The following MNDA variants were observed in gnomAD, a reference collection of about 807,000 sequenced individuals.
The protein encoded by MNDA is epididymis secretory sperm binding protein.
A neutral mutation model predicts 37.8 loss-of-function variants in MNDA; 43 were observed. The ratio of observed to expected loss-of-function variants is 1.14; its 90% CI spans 0.89 to 1.47. MNDA has a LOEUF of 1.47. MNDA is among the 40% of genes most tolerant of loss of function. MNDA has a pLI of 0.00. For synonymous variants in MNDA, 181 were observed against 169.0 expected (o/e 1.07, Z -0.55); for missense variants, 536 against 476.0 (o/e 1.13, Z -1.17).
intron 3 of MNDA, 116 bp from the exon 4 acceptor site, chr1:158,843,839 C>A: frequency 1.1e-6 from 1 of 903,138 alleles, no homozygotes; most frequent in Non-Finnish European, 1.6e-6. Flanking sequence ...CTGGGGTTTC[C>A]AAGGACATCC....
intron 1 of MNDA, among the ~76,000 whole-genome samples, chr1:158,836,227 T>A (rs1658913524): frequency 6.6e-6 from 1 of 152,116 alleles, no homozygotes; most frequent in Non-Finnish European, 1.5e-5. Context: ...TGCATTGGAG[T>A]AATGCTGAGT....
chr1:158,836,495 A>G (rs943032633), intron 1 of MNDA, among the ~76,000 whole-genome samples: 9 of 151,862 alleles, frequency 5.9e-5, no homozygotes, highest in Admixed American at 5.2e-4. Flanking sequence ...TATCCATTTC[A>G]TTTAGGTTAT....
intron 1 of MNDA, among the ~76,000 whole-genome samples, chr1:158,836,054 A>G (rs1039733468): frequency 6.6e-6 from 1 of 152,024 alleles, no homozygotes; most frequent in Admixed American, 6.5e-5. Context: ...ATGGTGAGCC[A>G]TCATTGCATT....
At chr1:158,847,602 C>A in intron 5 of MNDA, 126 bp from the exon 6 acceptor site, 2 of 774,090 alleles carry the variant, frequency 2.6e-6, no homozygotes, top group Middle Eastern at 4.0e-4. Context: ...GCAGGCCAAG[C>A]CACATGTATG....
chr1:158,843,691 G>A (rs955119612), intron 3 of MNDA, among the ~76,000 whole-genome samples: 1 of 152,066 alleles, frequency 6.6e-6, no homozygotes, highest in Non-Finnish European at 1.5e-5. Context: ...CTCATTCCAA[G>A]TCCAGTGCTC....
intron 5 of MNDA, among the ~76,000 whole-genome samples, chr1:158,846,520 CTTAT>C (rs1247837917): frequency 1.3e-5 from 2 of 152,040 alleles, no homozygotes; most frequent in Admixed American, 6.6e-5. Flanking sequence ...GCCCTTCTAT[CTTAT>C]TTATTTATTC....
rs1263592493 is a variant in MNDA, at chr1:158,841,015, C to T, written c.-20-1119C>T. Among the ~76,000 whole-genome samples the T allele has an allele frequency of 2.6e-5, 4 of 152,042 alleles. No homozygotes were observed. The East Asian group carries it at 5.8e-4, about 22-fold the overall frequency. On this transcript the variant is annotated intron_variant, in intron 1 of 6. Coordinates refer to ENST00000368141, the MANE Select transcript of MNDA (RefSeq NM_002432.3). ...GAATATACGTTAGGAACTGAATGCC[C>T]TTAGGTAGTACACAAGGGGTTAAAG...
intron 6 of MNDA, among the ~76,000 whole-genome samples, chr1:158,848,739 A>AT (rs998836997): frequency 6.6e-6 from 1 of 152,144 alleles, no homozygotes; most frequent in African/African-American, 2.4e-5. Flanking sequence ...TGGGGCAGAG[A>AT]TATCTATTAG....
At position 158,847,728 on chromosome 1, in the gene MNDA, A is replaced by T. The variant is rs766478272; in HGVS notation, c.988A>T (p.Lys330Ter). 3.1e-6 allele frequency: 5 copies of T among 1,609,104 alleles called. No homozygotes were observed. The Admixed American group carries it at 8.4e-5, about 27-fold the overall frequency. ...ACAGGATGTTAATCTTCTTTTGCAG[A>T]AAAGCGTACACAAGAAGAACACAAT... ...MVYGLFMLQKKSVHKKNTIYE... is the reference protein window; with the variant it reads ...MVYGLFMLQK The change falls in exon 6 of 7, where the codon AAA becomes TAA. Residue 330 changes from lysine to a stop codon, truncating the protein, a stop_gained and splice_region_variant. Transcript: ENST00000368141. LOFTEE classifies it high-confidence loss of function.
Position 158,843,407 on chromosome 1 carries a change from G to A in MNDA, c.394G>A (p.Val132Ile). ...ATCGGAAGCAAGAGGGAGGATTCCT[G>A]TAGCTCAGGTAAGCTTGAGAAAGAG... Reference protein sequence around the residue: ...LTSEARGRIPVAQKRKTPNKE... With the variant: ...LTSEARGRIPIAQKRKTPNKE... The change falls in exon 3 of 7, where the codon GTA (valine) becomes ATA (isoleucine). Residue 132 changes from valine to isoleucine, a missense_variant. By Grantham distance (29) the Val-to-Ile change is conservative. Transcript: ENST00000368141. The A allele has an allele frequency of 6.2e-7, 1 of 1,606,412 alleles. No homozygotes were observed. The highest frequency in any genetic ancestry group is 8.5e-7 in the Non-Finnish European group (1 of 1,176,692).
intron 1 of MNDA, among the ~76,000 whole-genome samples, chr1:158,836,558 C>A (rs1452844407): frequency 6.6e-6 from 1 of 151,860 alleles, no homozygotes; most frequent in African/African-American, 2.4e-5. Flanking sequence ...TCTGTGAAAT[C>A]TGTTGTAATG....
chr1:158,843,420 G>A lies in MNDA; in HGVS notation c.402+5G>A. ...GGGAGGATTCCTGTAGCTCAGGTAA[G>A]CTTGAGAAAGAGGAGCAGGACTGAA... On this transcript the variant is annotated splice_donor_5th_base_variant and intron_variant, in intron 3 of 6. Coordinates refer to ENST00000368141, the MANE Select transcript of MNDA (RefSeq NM_002432.3). The A allele has an allele frequency of 6.3e-7, 1 of 1,599,270 alleles. No individual in the cohort carries two copies. Among genetic ancestry groups the A allele is most frequent in the East Asian group, 2.2e-5 (1 of 44,496 alleles).
intron 1 of MNDA, among the ~76,000 whole-genome samples, chr1:158,836,357 ACTTTT>A (rs796341607): frequency 1.3e-5 from 2 of 151,964 alleles, no homozygotes; most frequent in South Asian, 2.1e-4. Flanking sequence ...CTTAGTCTGG[ACTTTT>A]CTTTATTGAG....
rs746675050 is a variant in MNDA, at chr1:158,842,350, T to C, written c.197T>C (p.Ile66Thr). The change falls in exon 2 of 7, where the codon ATA becomes ACA. Residue 66 changes from isoleucine to threonine, a missense_variant. Physicochemically the swap from Ile to Thr is moderately conservative, Grantham distance 89. Transcript: ENST00000368141. ...FQGVACLDKL[I>T]ELAKDMPSLK... ...GGCGTTGCCTGTCTAGACAAACTAA[T>C]AGAACTTGCCAAAGATATGCCATCA... 2 of 1,614,050 alleles carry C rather than the reference T, an allele frequency of 1.2e-6. No individual in the cohort carries two copies. Among genetic ancestry groups the C allele is most frequent in the Non-Finnish European group, 1.7e-6 (2 of 1,179,978 alleles).
At chr1:158,846,202 A>G (rs1426184712) in intron 5 of MNDA, among the ~76,000 whole-genome samples, 199 bp downstream of exon 5, 1 of 152,190 alleles carries the variant, frequency 6.6e-6, no homozygotes, top group African/African-American at 2.4e-5. Context: ...AGGGACTTTG[A>G]AAAAAAGTTA....
In MNDA at chr1:158,842,310, G is replaced by GA. The variant is rs750084919; in HGVS notation, c.164dup (p.Phe56ValfsTer21). On this transcript the variant is annotated frameshift_variant, in exon 2 of 7. Transcript: ENST00000368141. LOFTEE classifies it high-confidence loss of function. ...CAGAATTAAGATTACAGATTTGATGGAAAAAAAGTTCCAAGGCGTTGCCTG... is the reference window on the plus strand; with the variant it reads ...CAGAATTAAGATTACAGATTTGATGGAAAAAAAAGTTCCAAGGCGTTGCCTG... 6.2e-7 allele frequency: 1 copy of GA among 1,614,034 alleles called. No homozygotes were observed. Among genetic ancestry groups the GA allele is most frequent in the Non-Finnish European group, 8.5e-7 (1 of 1,179,980 alleles).
intron 1 of MNDA, among the ~76,000 whole-genome samples, chr1:158,832,906 T>C (rs1423614280): frequency 6.6e-6 from 1 of 152,138 alleles, no homozygotes; most frequent in Non-Finnish European, 1.5e-5. Flanking sequence ...TATAAAGGTA[T>C]ATATTTTAAC....
intron 1 of MNDA, among the ~76,000 whole-genome samples, chr1:158,840,955 C>T (rs1659018691): frequency 6.6e-6 from 1 of 152,074 alleles, no homozygotes; most frequent in African/African-American, 2.4e-5. Flanking sequence ...GGTCACCAAC[C>T]TAAAGGAATA....
At position 158,845,677 on chromosome 1, in the gene MNDA, G is replaced by A. The variant is rs1659119400; in HGVS notation, c.661G>A (p.Ala221Thr). ...GACAGTGGTGGTACTGAAAGCAACA[G>A]CGCCATTTAAATACGAGTCCCCAGA... ...PVTVVVLKAT[A>T]PFKYESPENG... The change falls in exon 5 of 7, where the codon GCG becomes ACG. Residue 221 changes from alanine to threonine, a missense_variant. By Grantham distance (58) the Ala-to-Thr change is moderately conservative. Coordinates refer to ENST00000368141, the MANE Select transcript of MNDA (RefSeq NM_002432.3). The A allele has an allele frequency of 6.2e-7, 1 of 1,614,050 alleles. No individual in the cohort carries two copies. Among genetic ancestry groups the A allele is most frequent in the African/African-American group, 1.3e-5 (1 of 74,926 alleles).
Sources: gnomAD v4.1 joint callset for allele counts (sites outside exome capture counted in the v4.1 genomes callset) on GRCh38, gnomAD v4.1.1 for gene constraint, MANE v1.5 for transcripts, NCBI Gene and HGNC (gene_info 2026-07-23, HGNC 2026-07-21) for gene names.